CNTNAP2: variants seen among roughly 807,000 people sequenced by gnomAD.
CNTNAP2 encodes the protein contactin-associated protein-like 2.
A neutral mutation model predicts 155.2 loss-of-function variants in CNTNAP2; 98 were observed. The ratio of observed to expected loss-of-function variants is 0.63; its 90% CI spans 0.54 to 0.75. The LOEUF (loss-of-function observed/expected upper bound fraction) is 0.75. Ranked by LOEUF, CNTNAP2 falls within the 30% of genes least tolerant of loss-of-function variation. The probability of loss-of-function intolerance (pLI) is 0.00; values close to 1 mark genes in which losing one functional copy is unlikely to be tolerated. For missense variants in CNTNAP2, 1,727 were observed against 1,688.1 expected, an observed-to-expected ratio of 1.02 and a Z score of -0.40; for synonymous variants, 651 against 631.2, an observed-to-expected ratio of 1.03 and a Z score of -0.47.
intron 10 of CNTNAP2, among the ~76,000 whole-genome samples, chr7:147,423,558 G>T (rs143766242): frequency 6.6e-6 from 1 of 152,170 alleles, no homozygotes; most frequent in Non-Finnish European, 1.5e-5. Context: ...CCTCATCCTT[G>T]CAGATTTTAA....
chr7:147,916,656 G>A (rs1349785073), intron 14 of CNTNAP2, among the ~76,000 whole-genome samples: 2 of 147,726 alleles, frequency 1.4e-5, no homozygotes, highest in African/African-American at 2.5e-5. Flanking sequence ...TTGAAAAAGA[G>A]GGAGAGCTGT....
In CNTNAP2 at chr7:148,415,791, ACCTTTT is replaced by A; in HGVS notation, c.*176_*181del. On this transcript the variant is annotated 3_prime_UTR_variant, in exon 24 of 24. Transcript: ENST00000361727. ...CTTGAGACTGATCACAAAAAAAAAA[ACCTTTT>A]TAATATTTCTTTATAGCTGAGTTTT... 1.4e-6 allele frequency: 1 copy of A among 704,800 alleles called. No homozygotes were observed. The highest frequency in any genetic ancestry group is 2.0e-5 in the South Asian group (1 of 50,380). The allele number at this position is 704,800 out of a possible 1,614,324, so 43.7% of individuals were successfully genotyped here.
At position 148,104,289 on chromosome 7, in the gene CNTNAP2, G is replaced by A. The variant is rs752956069; in HGVS notation, c.2384-13829G>A. 6.4e-4 allele frequency among the ~76,000 whole-genome samples: 97 copies of A among 152,314 alleles called. 1 individual carries two copies. The highest frequency in any genetic ancestry group is 1.1e-3 in the Non-Finnish European group (77 of 68,028). On this transcript the variant is annotated intron_variant, in intron 15 of 23. Transcript: ENST00000361727. ...AAAAGGAAACTTTGATTTGTGTAACGTAATCGTATGGATCATATCAACCCA... is the reference window on the plus strand; with the variant it reads ...AAAAGGAAACTTTGATTTGTGTAACATAATCGTATGGATCATATCAACCCA...
intron 1 of CNTNAP2, among the ~76,000 whole-genome samples, chr7:146,197,919 C>G (rs751725938): frequency 3.3e-5 from 5 of 151,882 alleles, no homozygotes; most frequent in Non-Finnish European, 7.4e-5. Flanking sequence ...CTGGGTAGGT[C>G]GCAGGAAACT....
intron 14 of CNTNAP2, among the ~76,000 whole-genome samples, chr7:147,954,106 G>A (rs904922356): frequency 1.3e-5 from 2 of 152,104 alleles, no homozygotes; most frequent in African/African-American, 4.8e-5. Flanking sequence ...AGACATGAAA[G>A]CAAACAAATG....
chr7:146,553,451 T>C (rs1252236454), intron 1 of CNTNAP2, among the ~76,000 whole-genome samples: 1 of 151,992 alleles, frequency 6.6e-6, no homozygotes, highest in African/African-American at 2.4e-5. Context: ...GTTAGATATA[T>C]ACCAAGACAA....
chr7:146,621,345 A>T (rs1392287957), intron 1 of CNTNAP2, among the ~76,000 whole-genome samples: 1 of 152,182 alleles, frequency 6.6e-6, no homozygotes, highest in African/African-American at 2.4e-5. Context: ...CAATATGCAT[A>T]TATTAAGCCT....
intron 2 of CNTNAP2, among the ~76,000 whole-genome samples, chr7:146,830,041 G>T (rs1803480656): frequency 6.6e-6 from 1 of 151,904 alleles, no homozygotes; most frequent in African/African-American, 2.4e-5. Flanking sequence ...TTTGTTATAG[G>T]TTTAGAAATA....
intron 21 of CNTNAP2, among the ~76,000 whole-genome samples, chr7:148,315,594 G>GC (rs1434175187): frequency 6.6e-6 from 1 of 152,224 alleles, no homozygotes; most frequent in African/African-American, 2.4e-5. Flanking sequence ...TGATGGCTTA[G>GC]CTTGGGCTCA....
chr7:147,582,359 C>T (rs754919879), intron 12 of CNTNAP2, among the ~76,000 whole-genome samples: 50 of 152,062 alleles, frequency 3.3e-4, no homozygotes, highest in African/African-American at 9.7e-5. Flanking sequence ...GCCTTATGGA[C>T]TCAGAGGTTA....
chr7:146,701,941 A>C (rs1800885014), intron 1 of CNTNAP2, among the ~76,000 whole-genome samples: 1 of 152,164 alleles, frequency 6.6e-6, no homozygotes, highest in South Asian at 2.1e-4. Flanking sequence ...ATTTTGTGTC[A>C]AAACAAAAGG....
At chr7:147,869,228 T>A (rs1016660999) in intron 13 of CNTNAP2, among the ~76,000 whole-genome samples, 1 of 152,256 alleles carries the variant, frequency 6.6e-6, no homozygotes, top group Non-Finnish European at 1.5e-5. Flanking sequence ...ACTGTGTATA[T>A]GACACAGTGC....
intron 3 of CNTNAP2, among the ~76,000 whole-genome samples, chr7:146,855,669 A>G (rs995823700): frequency 6.6e-6 from 1 of 151,808 alleles, no homozygotes; most frequent in African/African-American, 2.4e-5. Flanking sequence ...ATTTAAATGT[A>G]CTGTAAATTG....
chr7:146,849,399 C>T (rs1395203900), intron 3 of CNTNAP2, among the ~76,000 whole-genome samples: 1 of 152,162 alleles, frequency 6.6e-6, no homozygotes, highest in African/African-American at 2.4e-5. Context: ...GAGCCAAATA[C>T]TTATTTTGGT....
intron 2 of CNTNAP2, among the ~76,000 whole-genome samples, chr7:146,806,575 T>C (rs1802971283): frequency 6.6e-6 from 1 of 152,008 alleles, no homozygotes; most frequent in African/African-American, 2.4e-5. Context: ...GGATTTACTC[T>C]CTGTTTTCAC....
At chr7:146,629,519 T>C (rs558646624) in intron 1 of CNTNAP2, among the ~76,000 whole-genome samples, 1 of 152,308 alleles carries the variant, frequency 6.6e-6, no homozygotes, top group Admixed American at 6.5e-5. Context: ...ATTGCCACTA[T>C]ATAAAATCTT....
At chr7:147,116,101 G>C (rs552158578) in intron 5 of CNTNAP2, among the ~76,000 whole-genome samples, 1 of 152,066 alleles carries the variant, frequency 6.6e-6, no homozygotes, top group Non-Finnish European at 1.5e-5. Context: ...GAGTCCACTC[G>C]AGACACTAGT....
intron 10 of CNTNAP2, among the ~76,000 whole-genome samples, chr7:147,401,275 C>T (rs763189056): frequency 6.6e-6 from 1 of 152,052 alleles, no homozygotes; most frequent in African/African-American, 2.4e-5. Flanking sequence ...ATGCAAATTG[C>T]CCAACTTAAA....
intron 18 of CNTNAP2, among the ~76,000 whole-genome samples, chr7:148,207,514 C>G (rs763053759): frequency 6.6e-6 from 1 of 152,174 alleles, no homozygotes; most frequent in African/African-American, 2.4e-5. Context: ...TGAGTGAATT[C>G]TTTTTTGCTC....
Sources: gnomAD v4.1 joint callset for allele counts (sites outside exome capture counted in the v4.1 genomes callset) on GRCh38, gnomAD v4.1.1 for gene constraint, MANE v1.5 for transcripts, NCBI Gene and HGNC (gene_info 2026-07-23, HGNC 2026-07-21) for gene names.